The following FARS2 variants were observed in gnomAD, a reference collection of about 807,000 sequenced individuals.
FARS2 encodes phenylalanyl-tRNA synthetase 2, mitochondrial, also known as phenylalanine--tRNA ligase, mitochondrial.
Under a neutral mutation model 46.4 loss-of-function variants are expected in FARS2, and 40 were observed. That is an observed-to-expected ratio of 0.86 (90% CI 0.67 to 1.12). The LOEUF (loss-of-function observed/expected upper bound fraction) is 1.12, where lower values mean the gene tolerates loss of function less well. Among genes scored for constraint, FARS2 ranks in the 50% most tolerant of loss-of-function variants. The pLI is 0.00. For synonymous variants in FARS2, 234 were observed against 214.9 expected, an observed-to-expected ratio of 1.09 and a Z score of -0.78; for missense variants, 513 against 567.9, an observed-to-expected ratio of 0.90 and a Z score of 0.98.
chr6:5,603,832 C>T (rs747628605), intron 5 of FARS2, among the ~76,000 whole-genome samples: 1 of 152,190 alleles, frequency 6.6e-6, no homozygotes, highest in Non-Finnish European at 1.5e-5. Flanking sequence ...AGGACTCCCA[C>T]ATTATCTTTT....
intron 6 of FARS2, among the ~76,000 whole-genome samples, chr6:5,701,739 T>G (rs996312352): frequency 2.0e-5 from 3 of 152,196 alleles, no homozygotes; most frequent in Non-Finnish European, 2.9e-5. Flanking sequence ...GCAGTTAACT[T>G]TATGTCGACT....
intron 5 of FARS2, among the ~76,000 whole-genome samples, chr6:5,575,411 G>A (rs972870624): frequency 6.6e-6 from 1 of 152,202 alleles, no homozygotes; most frequent in Non-Finnish European, 1.5e-5. Context: ...AGGATCACCT[G>A]TGTATCTGTA....
chr6:5,426,692 C>T (rs897823805), intron 3 of FARS2, among the ~76,000 whole-genome samples: 37 of 152,220 alleles, frequency 2.4e-4, no homozygotes, highest in Non-Finnish European at 5.0e-4. Context: ...GTGGCGCAAT[C>T]TTGGCTCACC....
At chr6:5,426,899 T>C (rs1299497285) in intron 3 of FARS2, among the ~76,000 whole-genome samples, 2 of 152,234 alleles carry the variant, frequency 1.3e-5, no homozygotes, top group Non-Finnish European at 2.9e-5. Context: ...GTACTGGGAT[T>C]ACAGGCATGA....
intron 4 of FARS2, among the ~76,000 whole-genome samples, chr6:5,468,926 A>G (rs1765660986): frequency 6.6e-6 from 1 of 152,216 alleles, no homozygotes; most frequent in South Asian, 2.1e-4. Flanking sequence ...GTATCCATAT[A>G]ACACAGATGT....
chr6:5,599,664 TCA>T (rs2150629399), intron 5 of FARS2, among the ~76,000 whole-genome samples: 1 of 152,358 alleles, frequency 6.6e-6, no homozygotes, highest in Non-Finnish European at 1.5e-5. Flanking sequence ...TTTAGTATAT[TCA>T]CAGATATGTG....
chr6:5,370,955 C>G (rs553135400), intron 2 of FARS2, among the ~76,000 whole-genome samples: 2 of 152,172 alleles, frequency 1.3e-5, no homozygotes, highest in Non-Finnish European at 2.9e-5. Context: ...ATAAAAACCT[C>G]GCAAGGTAGA....
chr6:5,363,177 C>T (rs1020667233), intron 1 of FARS2, among the ~76,000 whole-genome samples: 3 of 151,964 alleles, frequency 2.0e-5, no homozygotes, highest in African/African-American at 7.3e-5. Context: ...CCACCCACCT[C>T]GGCCTCCCAA....
intron 2 of FARS2, among the ~76,000 whole-genome samples, chr6:5,379,151 G>T (rs1258830038): frequency 6.6e-6 from 1 of 152,086 alleles, no homozygotes; most frequent in Admixed American, 6.5e-5. Context: ...ACTCCTTAAG[G>T]GTGCCACTCT....
chr6:5,254,514 A>C, the FARS2 span, among the ~76,000 whole-genome samples: 78 of 152,202 alleles, frequency 5.1e-4, no homozygotes, highest in African/African-American at 1.8e-3. Flanking sequence ...CCAAAACCGC[A>C]ATTACTTTTG....
chr6:5,656,167 T>C (rs897593507), intron 6 of FARS2, among the ~76,000 whole-genome samples: 18 of 152,242 alleles, frequency 1.2e-4, no homozygotes, highest in African/African-American at 4.3e-4. Flanking sequence ...CCCTGTGTTG[T>C]TGCTGTTGCC....
intron 1 of FARS2, among the ~76,000 whole-genome samples, chr6:5,290,248 A>G (rs1767409589): frequency 6.6e-6 from 1 of 152,116 alleles, no homozygotes; most frequent in African/African-American, 2.4e-5. Context: ...TGTGTGTGTG[A>G]GGGAAACAGT....
intron 1 of FARS2, among the ~76,000 whole-genome samples, chr6:5,316,278 A>G (rs899823020): frequency 2.6e-5 from 4 of 152,228 alleles, no homozygotes; most frequent in South Asian, 2.1e-4. Context: ...TTAAGACAGC[A>G]TGTTATAACA....
chr6:5,733,562 C>A (rs1760776646), intron 6 of FARS2, among the ~76,000 whole-genome samples: 1 of 152,158 alleles, frequency 6.6e-6, no homozygotes, highest in African/African-American at 2.4e-5. Context: ...TTTTTGTTCT[C>A]CCTCCTCTCC....
rs143565766 is a variant in FARS2, at chr6:5,274,770, G to A, written c.-22+13110G>A. On this transcript the variant is annotated intron_variant, in intron 1 of 6. Coordinates refer to ENST00000274680, the MANE Select transcript of FARS2 (RefSeq NM_006567.5). The stretch of plus-strand genomic sequence containing the variant: ...CTGTCACCCCAGCTGGAGTGCAGTG[G>A]CACAGTCATGGCTCACTGCAGCCTC... Among the ~76,000 whole-genome samples, 13 of 152,242 alleles carry A rather than the reference G, an allele frequency of 8.5e-5. No individual in the cohort carries two copies. The East Asian group carries it at 2.5e-3, about 29-fold the overall frequency.
At chr6:5,514,147 GT>G in intron 4 of FARS2, among the ~76,000 whole-genome samples, 1 of 151,806 alleles carries the variant, frequency 6.6e-6, no homozygotes, top group South Asian at 2.1e-4. Flanking sequence ...ATGTGTTGTA[GT>G]TTAAAGAAAT....
chr6:5,417,535 T>C (rs1215079702), intron 3 of FARS2, among the ~76,000 whole-genome samples: 5 of 152,140 alleles, frequency 3.3e-5, no homozygotes, highest in Admixed American at 2.6e-4. Flanking sequence ...GCCCTTTTAG[T>C]TTTTTAGAGG....
chr6:5,258,311 C>G (rs1239623169), upstream of FARS2, among the ~76,000 whole-genome samples: 1 of 152,246 alleles, frequency 6.6e-6, no homozygotes, highest in Non-Finnish European at 1.5e-5. Context: ...AAAACGTTTA[C>G]TAGTCTGCTT....
upstream of FARS2, chr6:5,260,598 T>TGCCCCGGCCCCGGG: frequency 8.1e-6 from 9 of 1,105,562 alleles, no homozygotes; most frequent in African/African-American, 1.7e-5. Context: ...GCACCCCCGG[T>TGCCCCGGCCCCGGG]CCCCGGCCCC....
Sources: allele counts gnomAD v4.1 joint callset (sites outside exome capture counted in the v4.1 genomes callset), GRCh38; gene constraint gnomAD v4.1.1; transcripts MANE v1.5; gene names NCBI Gene and HGNC (gene_info 2026-07-23, HGNC 2026-07-21).